Variants in COL28A1 observed in about 807,000 individuals in gnomAD.
The protein encoded by COL28A1 is collagen alpha-1(XXVIII) chain.
In COL28A1, 161 loss-of-function variants were observed where a neutral mutation model predicts 150.2. The ratio of observed to expected loss-of-function variants is 1.07; its 90% confidence interval spans 0.94 to 1.22. The LOEUF (loss-of-function observed/expected upper bound fraction) is 1.22, where lower values mean the gene tolerates loss of function less well. Ranked by LOEUF, COL28A1 falls within the 50% of genes most tolerant of loss-of-function variation. The pLI, the probability that COL28A1 is intolerant of heterozygous loss-of-function variation, is 0.00. For missense variants in COL28A1, 1,617 were observed against 1,388.3 expected, an observed-to-expected ratio of 1.16 and a Z score of -2.62; for synonymous variants, 552 against 469.7, an observed-to-expected ratio of 1.18 and a Z score of -2.26.
chr7:7,522,158 T>C, intron 4 of COL28A1, 197 bp from the exon 5 acceptor site: 1 of 633,136 alleles, frequency 1.6e-6, no homozygotes, highest in Non-Finnish European at 2.9e-6. Flanking sequence ...TGTTTTGCTC[T>C]CTCTATTAAA....
intron 13 of COL28A1, among the ~76,000 whole-genome samples, chr7:7,482,965 A>G (rs1779427507): frequency 6.6e-6 from 1 of 152,204 alleles, no homozygotes; most frequent in South Asian, 2.1e-4. Context: ...AGGGAGGAAC[A>G]GCAGCAAAGA....
chr7:7,459,613 C>T (rs79802013), intron 15 of COL28A1, among the ~76,000 whole-genome samples: 5,937 of 152,270 alleles, frequency 0.039, 429 homozygotes, highest in African/African-American at 0.14. Context: ...AGCTTCACTT[C>T]CAATGCTCTT....
At chr7:7,419,664 G>A (rs1784287667) in intron 26 of COL28A1, among the ~76,000 whole-genome samples, 1 of 152,138 alleles carries the variant, frequency 6.6e-6, no homozygotes, top group Admixed American at 6.5e-5. Flanking sequence ...GTTAAAAAGA[G>A]GCTGACTTGC....
rs188761028 is a variant in COL28A1 at position 7,438,382 on chromosome 7, C to A, written c.1723-920G>T. 3.9e-3 allele frequency among the ~76,000 whole-genome samples: 596 copies of A among 152,038 alleles called. 3 individuals are homozygous for A. Among genetic ancestry groups the A allele is most frequent in the Admixed American group, 8.6e-3 (131 of 15,284 alleles). ...TGGAGCAACAGGTAATTCTCCTGTTCCATCTGGATCTAGACAAGTGATTCT... is the reference window on the plus strand; with the variant it reads ...TGGAGCAACAGGTAATTCTCCTGTTACATCTGGATCTAGACAAGTGATTCT... On this transcript the variant is annotated intron_variant, in intron 21 of 34. Transcript: ENST00000399429.
At chr7:7,419,354 T>C (rs1365723415) in intron 26 of COL28A1, among the ~76,000 whole-genome samples, 1 of 151,992 alleles carries the variant, frequency 6.6e-6, no homozygotes. Context: ...AAACAAAGTC[T>C]CCCTCTTTGA....
At chr7:7,444,555 G>A in intron 18 of COL28A1, 66 bp from the exon 19 acceptor site, 1 of 1,482,644 alleles carries the variant, frequency 6.7e-7, no homozygotes, top group Non-Finnish European at 9.4e-7. Flanking sequence ...ACTTGCAATT[G>A]GATGTATCTT....
chr7:7,524,791 T>C (rs1180733406), intron 3 of COL28A1, among the ~76,000 whole-genome samples: 1 of 152,198 alleles, frequency 6.6e-6, no homozygotes, highest in African/African-American at 2.4e-5. Flanking sequence ...GTGACATTTT[T>C]TGAGATGATC....
chr7:7,402,069 T>C (rs1783238124), intron 27 of COL28A1, among the ~76,000 whole-genome samples: 1 of 152,230 alleles, frequency 6.6e-6, no homozygotes, highest in Non-Finnish European at 1.5e-5. Context: ...CAAAAGCGTG[T>C]AGTGACGGGA....
At chr7:7,476,938 A>T (rs1788937635) in intron 14 of COL28A1, among the ~76,000 whole-genome samples, 174 bp downstream of exon 14, 1 of 152,232 alleles carries the variant, frequency 6.6e-6, no homozygotes, top group Non-Finnish European at 1.5e-5. Context: ...GTAGTTCCAA[A>T]TTTTACTGTA....
intron 15 of COL28A1, among the ~76,000 whole-genome samples, chr7:7,466,473 C>T (rs1235399504): frequency 2.9e-5 from 3 of 103,448 alleles, no homozygotes; most frequent in South Asian, 3.3e-4. Flanking sequence ...ACCAAATCTA[C>T]GTCTGATTGG....
intron 25 of COL28A1, among the ~76,000 whole-genome samples, chr7:7,426,311 A>G (rs1206213148): frequency 6.6e-6 from 1 of 152,212 alleles, no homozygotes; most frequent in Non-Finnish European, 1.5e-5. Flanking sequence ...AACTACCACA[A>G]ACATAGGCAG....
downstream of COL28A1, among the ~76,000 whole-genome samples, chr7:7,355,357 C>G (rs1290933469): frequency 6.6e-6 from 1 of 152,090 alleles, no homozygotes; most frequent in Non-Finnish European, 1.5e-5. Context: ...GGCTCACACC[C>G]CAAACACTTT....
intron 18 of COL28A1, among the ~76,000 whole-genome samples, chr7:7,444,703 T>G (rs1460277332): frequency 6.6e-6 from 1 of 152,148 alleles, no homozygotes; most frequent in Non-Finnish European, 1.5e-5. Context: ...CCCAAAAAGA[T>G]ATGTTGACAT....
chr7:7,383,666 T>G (rs572981851), intron 27 of COL28A1, among the ~76,000 whole-genome samples: 3 of 107,424 alleles, frequency 2.8e-5, no homozygotes, highest in Admixed American at 2.5e-4. Context: ...TATTTGAAAT[T>G]TGTGTGTGTG....
At chr7:7,511,770 A>G in intron 8 of COL28A1, 1 of 471,088 alleles carries the variant, frequency 2.1e-6, no homozygotes, top group South Asian at 1.5e-5. Flanking sequence ...GCTGTAGGAG[A>G]GCCGGGCTTG....
intron 27 of COL28A1, among the ~76,000 whole-genome samples, chr7:7,415,460 C>T (rs528657606): frequency 6.6e-6 from 1 of 152,282 alleles, no homozygotes; most frequent in South Asian, 2.1e-4. Flanking sequence ...AGATGGAAGT[C>T]CTGAGGGACG....
At chr7:7,471,553 G>T (rs1030765642) in intron 15 of COL28A1, among the ~76,000 whole-genome samples, 1 of 152,108 alleles carries the variant, frequency 6.6e-6, no homozygotes, top group Non-Finnish European at 1.5e-5. Flanking sequence ...AGGGATGCAG[G>T]GATGGGTTTA....
chr7:7,486,479 T>A (rs1779631344), intron 13 of COL28A1, among the ~76,000 whole-genome samples: 1 of 152,218 alleles, frequency 6.6e-6, no homozygotes, highest in African/African-American at 2.4e-5. Context: ...ATATGTTGAA[T>A]AAGACTGATG....
chr7:7,338,267 C>G, the COL28A1 span, among the ~76,000 whole-genome samples: 1 of 151,844 alleles, frequency 6.6e-6, no homozygotes, highest in East Asian at 1.9e-4. Context: ...TGGCGGCAAT[C>G]TGTAGATAGC....
Sources: allele counts gnomAD v4.1 joint callset (sites outside exome capture counted in the v4.1 genomes callset), GRCh38; gene constraint gnomAD v4.1.1; transcripts MANE v1.5; gene names NCBI Gene and HGNC (gene_info 2026-07-23, HGNC 2026-07-21).